Variants in TLK2 observed in about 807,000 individuals in gnomAD.
TLK2 encodes tousled like kinase 2.
TLK2 carries 6 observed loss-of-function variants against 117.3 expected under a neutral mutation model. The ratio of observed to expected loss-of-function variants is 0.05; its 90% confidence interval spans 0.03 to 0.10. TLK2 has a LOEUF of 0.10. Ranked by LOEUF, TLK2 falls within the 10% of genes least tolerant of loss-of-function variation. The pLI is 1.00. For synonymous variants in TLK2, 257 were observed against 316.7 expected (o/e 0.81, Z 2.00); for missense variants, 299 against 901.2 (o/e 0.33, Z 8.56).
At chr17:62,486,326 T>G (rs1196026188) in intron 2 of TLK2, among the ~76,000 whole-genome samples, 1 of 151,604 alleles carries the variant, frequency 6.6e-6, no homozygotes, top group Non-Finnish European at 1.5e-5. Flanking sequence ...CTCAGCTAAT[T>G]TTTATATTTT....
At chr17:62,527,942 C>T (rs1046553678) in intron 6 of TLK2, among the ~76,000 whole-genome samples, 1 of 152,084 alleles carries the variant, frequency 6.6e-6, no homozygotes, top group Admixed American at 6.6e-5. Flanking sequence ...GGGGTTTCAC[C>T]ATGTTGGCCA....
chr17:62,559,604 C>T (rs954037281), intron 9 of TLK2, among the ~76,000 whole-genome samples: 5 of 151,976 alleles, frequency 3.3e-5, no homozygotes, highest in Non-Finnish European at 7.4e-5. Context: ...TCTTGAACTC[C>T]TGACCTCAAG....
rs570862350 is a variant in TLK2, at chr17:62,538,661, G to A, written c.531+2324G>A. Among the ~76,000 whole-genome samples, 18 of 152,306 alleles carry A rather than the reference G, an allele frequency of 1.2e-4. No homozygotes were observed. In the South Asian group the frequency reaches 3.7e-3, roughly 32 times the overall value. On this transcript the variant is annotated intron_variant, in intron 7 of 21. Transcript: ENST00000346027. ...CTCCGTTATCAGAGGAGTAGCAGAT[G>A]CTATAGCCGTGTTGTTCTCATGTGG... is the stretch of plus-strand genomic sequence containing the variant.
intron 7 of TLK2, chr17:62,550,677 G>GT (rs1300212234): frequency 3.3e-5 from 5 of 152,214 alleles, no homozygotes; most frequent in African/African-American, 1.2e-4. Context: ...CAGGCTGGTG[G>GT]TAACAGTCTA....
intron 12 of TLK2, among the ~76,000 whole-genome samples, chr17:62,576,252 G>C (rs933682092): frequency 2.0e-5 from 3 of 152,194 alleles, no homozygotes; most frequent in Admixed American, 6.5e-5. Context: ...CTAGTCCTCA[G>C]ACTCCAAATC....
At chr17:62,520,565 T>C (rs759331864) in intron 2 of TLK2, among the ~76,000 whole-genome samples, 62 of 151,346 alleles carry the variant, frequency 4.1e-4, no homozygotes, top group Non-Finnish European at 6.0e-4. Context: ...TAATCCCAGC[T>C]ACTCGAGAGG....
intron 1 of TLK2, among the ~76,000 whole-genome samples, chr17:62,472,895 C>T (rs2070968349): frequency 6.6e-6 from 1 of 152,166 alleles, no homozygotes; most frequent in Admixed American, 6.6e-5. Flanking sequence ...GACCACAGGT[C>T]ACTTGAAATG....
intron 2 of TLK2, among the ~76,000 whole-genome samples, chr17:62,483,164 G>A (rs1387210769): frequency 6.6e-6 from 1 of 152,172 alleles, no homozygotes; most frequent in African/African-American, 2.4e-5. Flanking sequence ...TAAGGCTAAT[G>A]TCCAGATCTG....
chr17:62,552,888 T>C (rs945258645), intron 8 of TLK2, among the ~76,000 whole-genome samples: 1 of 152,222 alleles, frequency 6.6e-6, no homozygotes, highest in African/African-American at 2.4e-5. Context: ...ATGAAAGTAG[T>C]TAATGTATTC....
chr17:62,576,306 GT>G (rs1340668942), intron 12 of TLK2, among the ~76,000 whole-genome samples: 1 of 152,164 alleles, frequency 6.6e-6, no homozygotes, highest in Non-Finnish European at 1.5e-5. Flanking sequence ...TGTTATTACA[GT>G]ATCAAGGTTT....
chr17:62,587,527 C>T (rs900808391), intron 16 of TLK2, among the ~76,000 whole-genome samples: 2 of 152,182 alleles, frequency 1.3e-5, no homozygotes, highest in African/African-American at 4.8e-5. Context: ...AACTCTTGCT[C>T]TATACCTCTT....
chr17:62,487,291 C>CAA (rs556542076), intron 2 of TLK2, among the ~76,000 whole-genome samples: 2 of 69,324 alleles, frequency 2.9e-5, no homozygotes, highest in South Asian at 4.5e-4. Context: ...GACTCTGTCT[C>CAA]AAAAAAAAAA....
In TLK2 at chr17:62,577,579, T is replaced by G. The variant is rs193270955; in HGVS notation, c.1188+804T>G. On this transcript the variant is annotated intron_variant, in intron 13 of 21. Coordinates refer to ENST00000346027, the MANE Select transcript of TLK2 (RefSeq NM_006852.6). ...ATGATGTTCACTGAGATATCTTAGA[T>G]GTGGATTACTCAGCTCTTAAAATTC... is the stretch of plus-strand genomic sequence containing the variant. Among the ~76,000 whole-genome samples, 27 of 152,348 alleles carry G rather than the reference T, an allele frequency of 1.8e-4. 1 individual carries two copies. The highest frequency in any genetic ancestry group is 1.6e-3 in the Admixed American group (25 of 15,308).
At chr17:62,578,035 GA>G (rs1413013965) in intron 13 of TLK2, among the ~76,000 whole-genome samples, 1 of 152,080 alleles carries the variant, frequency 6.6e-6, no homozygotes, top group Non-Finnish European at 1.5e-5. Context: ...TGACAACAGC[GA>G]AACTCCATCT....
intron 2 of TLK2, among the ~76,000 whole-genome samples, chr17:62,507,756 G>C (rs1179447097): frequency 1.3e-5 from 2 of 152,070 alleles, no homozygotes; most frequent in African/African-American, 4.8e-5. Context: ...CCTTCGTGGT[G>C]CTAAAGGGCT....
chr17:62,523,301 A>G, intron 5 of TLK2, 124 bp downstream of exon 5: 2 of 1,319,170 alleles, frequency 1.5e-6, no homozygotes, highest in East Asian at 2.7e-5. Context: ...TATTTTGGCC[A>G]GGCGAGGTGG....
intron 21 of TLK2, among the ~76,000 whole-genome samples, chr17:62,609,317 C>T (rs916094936): frequency 3.9e-5 from 6 of 152,146 alleles, no homozygotes; most frequent in African/African-American, 1.2e-4. Flanking sequence ...CTCCTAGGCT[C>T]AAGCCATCCG....
At chr17:62,609,280 C>T (rs768375484) in intron 21 of TLK2, among the ~76,000 whole-genome samples, 2 of 152,104 alleles carry the variant, frequency 1.3e-5, no homozygotes, top group Admixed American at 1.3e-4. Context: ...CAAGGGGTTT[C>T]GCCGTGTTGC....
At chr17:62,505,164 A>G (rs2074565443) in intron 2 of TLK2, among the ~76,000 whole-genome samples, 1 of 152,066 alleles carries the variant, frequency 6.6e-6, no homozygotes, top group Non-Finnish European at 1.5e-5. Context: ...AAAGTACGTC[A>G]CTCACAAGAA....
Sources: gnomAD v4.1 joint callset for allele counts (sites outside exome capture counted in the v4.1 genomes callset) on GRCh38, gnomAD v4.1.1 for gene constraint, MANE v1.5 for transcripts, NCBI Gene and HGNC (gene_info 2026-07-23, HGNC 2026-07-21) for gene names.